Variants in WDR33 observed in about 807,000 individuals in gnomAD.
WDR33 encodes the protein WD repeat domain 33, also known as pre-mRNA 3' end processing protein WDR33.
A neutral mutation model predicts 164.9 loss-of-function variants in WDR33; 47 were observed. The observed-to-expected ratio is 0.29, with a 90% CI of 0.23 to 0.36. The LOEUF (loss-of-function observed/expected upper bound fraction) is 0.36. Ranked by LOEUF, WDR33 falls within the 10% of genes least tolerant of loss-of-function variation. The probability of loss-of-function intolerance (pLI) is 1.00; values close to 1 mark genes in which losing one functional copy is unlikely to be tolerated. For missense variants in WDR33, 1,137 were observed against 1,754.1 expected (o/e 0.65, Z 6.28); for synonymous variants, 505 against 589.0 (o/e 0.86, Z 2.06).
chr2:127,782,685 T>G (rs767150852), intron 1 of WDR33, among the ~76,000 whole-genome samples: 5 of 152,114 alleles, frequency 3.3e-5, no homozygotes, highest in Non-Finnish European at 5.9e-5. Context: ...TCACATAGTA[T>G]TAGGTATAAG....
intron 7 of WDR33, among the ~76,000 whole-genome samples, chr2:127,742,035 T>C (rs1687031863): frequency 6.6e-6 from 1 of 151,608 alleles, no homozygotes; most frequent in African/African-American, 2.4e-5. Flanking sequence ...ACTCTGTCTC[T>C]ACTAAAAATA....
intron 1 of WDR33, among the ~76,000 whole-genome samples, chr2:127,803,521 T>C (rs1396830037): frequency 1.3e-5 from 2 of 151,766 alleles, no homozygotes; most frequent in East Asian, 1.9e-4. Context: ...TGAGCCAAGA[T>C]TGCACAACTG....
intron 1 of WDR33, among the ~76,000 whole-genome samples, chr2:127,790,985 C>G (rs1332207665): frequency 1.3e-5 from 2 of 151,904 alleles, no homozygotes; most frequent in Non-Finnish European, 2.9e-5. Flanking sequence ...TGATATTGTT[C>G]ACTTGGGCCC....
At chr2:127,744,774 C>G (rs559769830) in intron 7 of WDR33, among the ~76,000 whole-genome samples, 2 of 152,324 alleles carry the variant, frequency 1.3e-5, no homozygotes, top group Non-Finnish European at 2.9e-5. Context: ...CCACAGATCT[C>G]AGGCTTCCAT....
chr2:127,766,674 T>C (rs1181409006), intron 4 of WDR33, among the ~76,000 whole-genome samples: 1 of 152,120 alleles, frequency 6.6e-6, no homozygotes, highest in Admixed American at 6.5e-5. Context: ...GCTAAGAGGA[T>C]ATTAAAATTA....
intron 1 of WDR33, among the ~76,000 whole-genome samples, chr2:127,786,400 T>C (rs1688573076): frequency 1.3e-5 from 2 of 152,242 alleles, no homozygotes; most frequent in South Asian, 4.1e-4. Context: ...TACAATATTT[T>C]GGCAGGACAC....
At chr2:127,808,970 C>T (rs1164650541) in intron 1 of WDR33, among the ~76,000 whole-genome samples, 4 of 146,876 alleles carry the variant, frequency 2.7e-5, no homozygotes, top group Non-Finnish European at 4.4e-5. Flanking sequence ...GCGGAGCTTG[C>T]AGCGAGCCAA....
Position 127,713,601 on chromosome 2 carries a change from C to G in WDR33, c.3290G>C (p.Arg1097Pro), listed in dbSNP as rs747098364. The stretch of plus-strand genomic sequence containing the variant: ...GTCCCACCTTTCTTCTCTGCGCCCT[C>G]GAAAACGTGGGTCCTCGGGATCCCG... ...FPRDPEDPRF[R>P]GRREESFRRG... Residue 1097 changes from arginine to proline, a missense_variant, in exon 18 of 22, where the codon CGA (arginine) becomes CCA (proline). By Grantham distance (103) the Arg-to-Pro change is moderately radical. Transcript: ENST00000322313. This position sits in a 1 kb window ranked among gnomAD's most constrained non-coding sequence, Gnocchi z 6.2. The G allele has an allele frequency of 3.1e-6, 5 of 1,614,244 alleles. No homozygotes were observed. Among genetic ancestry groups the G allele is most frequent in the Non-Finnish European group, 4.2e-6 (5 of 1,180,040 alleles).
intron 7 of WDR33, among the ~76,000 whole-genome samples, chr2:127,747,933 G>A (rs1687213401): frequency 6.6e-6 from 1 of 152,076 alleles, no homozygotes; most frequent in Non-Finnish European, 1.5e-5. Context: ...CGCTCCTGTT[G>A]GACAATCTCA....
chr2:127,757,514 C>T (rs1324032232), intron 7 of WDR33, among the ~76,000 whole-genome samples: 1 of 152,084 alleles, frequency 6.6e-6, no homozygotes, highest in Non-Finnish European at 1.5e-5. Flanking sequence ...AAACTGGATA[C>T]AGAATACAGG....
rs1158780905 is a variant in WDR33, at chr2:127,711,780, A to ATTTTTTTTTTTTTTTT, written c.3308+1802_3308+1803insAAAAAAAAAAAAAAAA. Among the ~76,000 whole-genome samples the ATTTTTTTTTTTTTTTT allele has an allele frequency of 3.6e-4, 32 of 88,264 alleles. 1 individual carries two copies. The highest frequency in any genetic ancestry group is 2.8e-3 in the South Asian group (6 of 2,176). 57.9% of individuals were successfully genotyped at this position (88,264 alleles called of 152,430 possible). A position where few individuals can be genotyped will look rare whatever the true frequency, so the allele number is the denominator to read the frequency against. ...TATATATATATATATATATATATAT[A>ATTTTTTTTTTTTTTTT]TTTTTTTTTTGAGACAGAGTCTCGC... is the stretch of plus-strand genomic sequence containing the variant. On this transcript the variant is annotated intron_variant, in intron 18 of 21. Transcript: ENST00000322313.
In WDR33 at chr2:127,726,260, A is replaced by G. The variant is rs1316698806; in HGVS notation, c.851+391T>C. Among the ~76,000 whole-genome samples the G allele has an allele frequency of 2.0e-5, 3 of 152,222 alleles. No homozygotes were observed. The highest frequency in any genetic ancestry group is 7.2e-5 in the African/African-American group (3 of 41,454). On this transcript the variant is annotated intron_variant, in intron 8 of 21. Coordinates refer to ENST00000322313, the MANE Select transcript of WDR33 (RefSeq NM_018383.5). The surrounding 1 kb of genome is among the most constrained non-coding windows in gnomAD (Gnocchi z 4.8). ...TGAGAAGTGGTTCAAAACCAGAAGA[A>G]AACCCTCTCGAAACAGATGTTGTGA...
At chr2:127,711,631 C>G (rs1354417901) in intron 18 of WDR33, among the ~76,000 whole-genome samples, 1 of 149,448 alleles carries the variant, frequency 6.7e-6, no homozygotes, top group African/African-American at 2.5e-5. Context: ...TATCTCCCCT[C>G]CCCCAAAACA....
At position 127,704,046 on chromosome 2, in the gene WDR33, C is replaced by G. The variant is rs1334460368; in HGVS notation, c.*2277G>C. 6.0e-6 allele frequency: 1 copy of G among 166,218 alleles called. No individual in the cohort carries two copies. Among genetic ancestry groups the G allele is most frequent in the Non-Finnish European group, 1.5e-5 (1 of 68,102 alleles). The allele number at this position is 166,218 out of a possible 1,614,324, so 10.3% of individuals were successfully genotyped here. On this transcript the variant is annotated 3_prime_UTR_variant, in exon 22 of 22. Transcript: ENST00000322313. ...GGCTGAGGTGGGAAGATCACTTGAG[C>G]CCAGGAGGTTGAGGCTGCAGTGAAC...
At chr2:127,729,415 C>T (rs934245030) in intron 7 of WDR33, among the ~76,000 whole-genome samples, 2 of 152,030 alleles carry the variant, frequency 1.3e-5, no homozygotes, top group African/African-American at 4.8e-5. Context: ...TGTGTCACTT[C>T]CTATTTGCTT....
chr2:127,711,768 A>AT lies in WDR33; in HGVS notation c.3308+1814dup, dbSNP rs1441301170. 5.6e-4 allele frequency among the ~76,000 whole-genome samples: 39 copies of AT among 70,244 alleles called. 2 individuals are homozygous for AT. Among genetic ancestry groups the AT allele is most frequent in the African/African-American group, 2.8e-3 (25 of 9,008 alleles). The allele number at this position is 70,244 out of a possible 152,430, so 46.1% of individuals were successfully genotyped here. A position where few individuals can be genotyped will look rare whatever the true frequency, so the allele number is the denominator to read the frequency against. On this transcript the variant is annotated intron_variant, in intron 18 of 21. Coordinates refer to ENST00000322313, the MANE Select transcript of WDR33 (RefSeq NM_018383.5). The stretch of plus-strand genomic sequence containing the variant: ...CATATACAGATATATATATATATAT[A>AT]TATATATATATATTTTTTTTTTGAG...
At position 127,724,504 on chromosome 2, in the gene WDR33, C is replaced by G. The variant is rs910267530; in HGVS notation, c.1086-61G>C. 4.2e-6 allele frequency: 6 copies of G among 1,425,648 alleles called. No individual in the cohort carries two copies. The East Asian group carries it at 1.1e-4, about 27-fold the overall frequency. 88.3% of individuals were successfully genotyped at this position (1,425,648 alleles called of 1,614,324 possible). A position where few individuals can be genotyped will look rare whatever the true frequency, so the allele number is the denominator to read the frequency against. The stretch of plus-strand genomic sequence containing the variant: ...AAAGTTACCCAGCTTCTCCCTCCCC[C>G]TCAAAAAAGACATTTTCTGTTACTC... On this transcript the variant is annotated intron_variant, in intron 10 of 21. Coordinates refer to ENST00000322313, the MANE Select transcript of WDR33 (RefSeq NM_018383.5). The surrounding 1 kb of genome is among the most constrained non-coding windows in gnomAD (Gnocchi z 4.8).
At chr2:127,773,795 G>C (rs943214927) in intron 1 of WDR33, among the ~76,000 whole-genome samples, 1 of 152,032 alleles carries the variant, frequency 6.6e-6, no homozygotes, top group Non-Finnish European at 1.5e-5. Flanking sequence ...ATGGGGTCTC[G>C]CTCTGTTGCC....
At position 127,703,260 on chromosome 2, in the gene WDR33, A is replaced by G. The variant is rs1321641963; in HGVS notation, c.*3063T>C. 4 of 167,116 alleles carry G rather than the reference A, an allele frequency of 2.4e-5. No individual in the cohort carries two copies. Among genetic ancestry groups the G allele is most frequent in the Non-Finnish European group, 5.9e-5 (4 of 68,124 alleles). 10.4% of individuals were successfully genotyped at this position (167,116 alleles called of 1,614,324 possible). ...ACTTGAAGAGCCACACCTCAGATCA[A>G]TGCAGTCAGAACCTGGGAAGTAGGT... On this transcript the variant is annotated 3_prime_UTR_variant, in exon 22 of 22. Transcript: ENST00000322313.
Sources: allele counts gnomAD v4.1 joint callset (sites outside exome capture counted in the v4.1 genomes callset), GRCh38; gene constraint gnomAD v4.1.1; non-coding constraint Gnocchi (gnomAD v3.1); transcripts MANE v1.5; gene names NCBI Gene and HGNC (gene_info 2026-07-23, HGNC 2026-07-21).